ZNF483: variants seen among roughly 807,000 people sequenced by gnomAD.
The protein encoded by ZNF483 is zinc finger protein 483, also known as zinc finger protein HIT-10.
ZNF483 carries 9 observed loss-of-function variants against 28.6 expected under a neutral mutation model. The observed-to-expected ratio is 0.32, with a 90% CI of 0.19 to 0.55. ZNF483 has a LOEUF of 0.55. ZNF483 is among the 20% of genes least tolerant of loss of function. The pLI is 0.93. For synonymous variants in ZNF483, 322 were observed against 306.2 expected (o/e 1.05, Z -0.54); for missense variants, 675 against 871.7 (o/e 0.77, Z 2.84).
In ZNF483 at chr9:111,553,766, A is replaced by G. The variant is rs1263176277; in HGVS notation, c.*10596A>G. On this transcript the variant is annotated 3_prime_UTR_variant, in exon 6 of 6. Coordinates refer to ENST00000309235, the MANE Select transcript of ZNF483 (RefSeq NM_133464.5). Reference sequence around the variant, plus strand: ...CTGCTTCTGTTTTTAAAATTGTGAAATGTGGCACTGTGTGGATTTCCATTT... The same window carrying G: ...CTGCTTCTGTTTTTAAAATTGTGAAGTGTGGCACTGTGTGGATTTCCATTT... Among the ~76,000 whole-genome samples, 1 of 152,238 alleles carries G rather than the reference A, an allele frequency of 6.6e-6. No homozygotes were observed. The highest frequency in any genetic ancestry group is 1.5e-5 in the Non-Finnish European group (1 of 68,044).
chr9:111,537,017 A>G (rs111721065), intron 5 of ZNF483, among the ~76,000 whole-genome samples: 3 of 152,218 alleles, frequency 2.0e-5, no homozygotes, highest in African/African-American at 7.2e-5. Flanking sequence ...CTTTTTCTTG[A>G]AGTATCATGA....
At position 111,549,637 on chromosome 9, in the gene ZNF483, C is replaced by CGTG. The variant is rs2132275164; in HGVS notation, c.*6478_*6480dup. 3 of 1,169,332 alleles carry CGTG rather than the reference C, an allele frequency of 2.6e-6. No homozygotes were observed. In the South Asian group the frequency reaches 4.2e-5, roughly 16 times the overall value. The allele number at this position is 1,169,332 out of a possible 1,614,324, so 72.4% of individuals were successfully genotyped here. On this transcript the variant is annotated 3_prime_UTR_variant, in exon 6 of 6. Transcript: ENST00000309235. ...CCTGTAGCTCTTCTGGGGCAGCGGT[C>CGTG]GTGGTGGTGGTGGCAGCGGCAGCAG...
intron 2 of ZNF483, chr9:111,528,032 G>GT (rs1827224244): frequency 1.4e-6 from 2 of 1,448,810 alleles, no homozygotes; most frequent in South Asian, 3.0e-5. Context: ...CTTTCTTGTA[G>GT]TTTTCTTGTA....
intron 5 of ZNF483, among the ~76,000 whole-genome samples, chr9:111,570,599 G>A (rs7862533): frequency 0.29 from 44,033 of 150,512 alleles, 7,460 homozygotes; most frequent in Non-Finnish European, 0.4. Context: ...TGAAACCCCC[G>A]TCTCTTCTAA....
In ZNF483 at chr9:111,545,693, TTTAAG is replaced by T. The variant is rs1827791083; in HGVS notation, c.*2526_*2530del. ...TTCTGTGTTTTTTTCATTAATGTGT[TTTAAG>T]TTCATCCATGTTGTAACATACTAGT... On this transcript the variant is annotated 3_prime_UTR_variant, in exon 6 of 6. Coordinates refer to ENST00000309235, the MANE Select transcript of ZNF483 (RefSeq NM_133464.5). Among the ~76,000 whole-genome samples the T allele has an allele frequency of 6.6e-6, 1 of 152,174 alleles. No individual in the cohort carries two copies. The highest frequency in any genetic ancestry group is 1.5e-5 in the Non-Finnish European group (1 of 68,026).
At chr9:111,569,591 C>T (rs1307337428) in intron 5 of ZNF483, among the ~76,000 whole-genome samples, 1 of 152,158 alleles carries the variant, frequency 6.6e-6, no homozygotes, top group Admixed American at 6.6e-5. Context: ...TGACGAAAAC[C>T]TGTCTCTACT....
Position 111,542,640 on chromosome 9 carries a change from C to T in ZNF483, c.1705C>T (p.His569Tyr). 6.2e-7 allele frequency: 1 copy of T among 1,613,994 alleles called. No individual in the cohort carries two copies. Among genetic ancestry groups the T allele is most frequent in the Non-Finnish European group, 8.5e-7 (1 of 1,179,960 alleles). ...SFSHSSSLSK[H>Y]QRIHTGEKPY... is the part of the protein sequence containing the mutation. Reference sequence around the variant, plus strand: ...CAGTCATAGCTCATCCCTTTCCAAACATCAGAGAATTCATACTGGAGAGAA... The same window carrying T: ...CAGTCATAGCTCATCCCTTTCCAAATATCAGAGAATTCATACTGGAGAGAA... Residue 569 changes from histidine to tyrosine, a missense_variant, in exon 6 of 6, where the codon CAT (histidine) becomes TAT (tyrosine). Coordinates refer to ENST00000309235, the MANE Select transcript of ZNF483 (RefSeq NM_133464.5). The surrounding 1 kb of genome is among the most constrained non-coding windows in gnomAD (Gnocchi z 6.2).
At position 111,561,144 on chromosome 9, in the gene ZNF483, AGAG is replaced by A. The variant is rs1564608076; in HGVS notation, c.722-15219_722-15217del. 2.3e-3 allele frequency among the ~76,000 whole-genome samples: 117 copies of A among 51,406 alleles called. 5 individuals carry two copies. Among genetic ancestry groups the A allele is most frequent in the East Asian group, 5.7e-3 (13 of 2,280 alleles). 33.7% of individuals were successfully genotyped at this position (51,406 alleles called of 152,430 possible). On this transcript the variant is annotated intron_variant, in intron 5 of 5. Transcript: ENST00000358151. ...AGAGAGAGAGAGAGAGAGAGGAGAG[AGAG>A]GGAGAGAGAGAGAGAGAGAGAGAGA...
chr9:111,554,558 G>A lies in ZNF483; in HGVS notation c.*11388G>A, dbSNP rs1370564689. On this transcript the variant is annotated 3_prime_UTR_variant, in exon 6 of 6. Coordinates refer to ENST00000309235, the MANE Select transcript of ZNF483 (RefSeq NM_133464.5). ...CCTCAGATAGTACCAAACCCTGTAT[G>A]TTCTATGTTTTGTCAGTCTGATAAC... Among the ~76,000 whole-genome samples the A allele has an allele frequency of 3.3e-5, 5 of 152,130 alleles. No individual in the cohort carries two copies. Among genetic ancestry groups the A allele is most frequent in the Non-Finnish European group, 2.9e-5 (2 of 68,022 alleles).
In ZNF483 at chr9:111,550,839, C is replaced by T. The variant is rs1827919722; in HGVS notation, c.*7669C>T. ...TTGTTTCATAGGTGAAATATTTTTT[C>T]TCTGAGCATGTTAATTATAGTGTCT... On this transcript the variant is annotated 3_prime_UTR_variant, in exon 6 of 6. Transcript: ENST00000309235. Among the ~76,000 whole-genome samples the T allele has an allele frequency of 6.6e-6, 1 of 152,000 alleles. No homozygotes were observed.
Position 111,549,925 on chromosome 9 carries a change from G to A in ZNF483, c.*6755G>A. 1.6e-6 allele frequency: 1 copy of A among 635,942 alleles called. No individual in the cohort carries two copies. 39.4% of individuals were successfully genotyped at this position (635,942 alleles called of 1,614,324 possible). A position where few individuals can be genotyped will look rare whatever the true frequency, so the allele number is the denominator to read the frequency against. ...TTTTGTTGGTTTATTTTGTGCCTTT[G>A]AATGGTCAATACTTGTTTCTTTGTA... is the stretch of plus-strand genomic sequence containing the variant. On this transcript the variant is annotated 3_prime_UTR_variant, in exon 6 of 6. Coordinates refer to ENST00000309235, the MANE Select transcript of ZNF483 (RefSeq NM_133464.5).
Position 111,544,280 on chromosome 9 carries a change from T to G in ZNF483, c.*1110T>G. On this transcript the variant is annotated 3_prime_UTR_variant, in exon 6 of 6. Transcript: ENST00000309235. ...CTGTAGCAAGTACATTTTTTTGCAA[T>G]TGGAGTGTAAACATTCTGTGTGGCA... is the stretch of plus-strand genomic sequence containing the variant. 1.0e-6 allele frequency: 1 copy of G among 985,452 alleles called. No individual in the cohort carries two copies. Among genetic ancestry groups the G allele is most frequent in the Non-Finnish European group, 1.2e-6 (1 of 829,942 alleles). 61.0% of individuals were successfully genotyped at this position (985,452 alleles called of 1,614,324 possible).
At chr9:111,563,569 G>C (rs112140014) in intron 5 of ZNF483, 10,554 of 165,032 alleles carry the variant, frequency 0.064, 577 homozygotes, top group African/African-American at 0.14. Flanking sequence ...GCAGTGCCGC[G>C]ATCTTGGCTC....
chr9:111,570,308 T>C (rs1828754795), intron 5 of ZNF483: 1 of 1,468,392 alleles, frequency 6.8e-7, no homozygotes, highest in Non-Finnish European at 9.0e-7. Flanking sequence ...GTGCTGGGAG[T>C]TTTTTGGTGC....
intron 3 of ZNF483, among the ~76,000 whole-genome samples, chr9:111,531,233 G>A (rs1293567803): frequency 2.0e-5 from 3 of 152,106 alleles, no homozygotes; most frequent in Admixed American, 6.5e-5. Flanking sequence ...CCCTTTCAAG[G>A]AACTGACGCC....
At chr9:111,561,887 T>C (rs561461726) in intron 5 of ZNF483, among the ~76,000 whole-genome samples, 1 of 152,320 alleles carries the variant, frequency 6.6e-6, no homozygotes, top group South Asian at 2.1e-4. Context: ...TGTTTTGTTT[T>C]GTTTTGTTTT....
chr9:111,568,621 C>G (rs1432660372), intron 5 of ZNF483, among the ~76,000 whole-genome samples: 1 of 152,044 alleles, frequency 6.6e-6, no homozygotes, highest in Non-Finnish European at 1.5e-5. Context: ...GTTCGTACAC[C>G]CCCTCCCCTT....
chr9:111,537,681 C>T (rs1313523713), intron 5 of ZNF483, among the ~76,000 whole-genome samples: 1 of 152,096 alleles, frequency 6.6e-6, no homozygotes, highest in African/African-American at 2.4e-5. Context: ...GGCTAGGGTG[C>T]AGTGGCATGA....
chr9:111,554,893 T>C lies in ZNF483; in HGVS notation c.*11723T>C, dbSNP rs1298001988. The stretch of plus-strand genomic sequence containing the variant: ...CAACTGAAGTCCAGGGTCTTTGAGT[T>C]AGATGCTTTGAGTGTGACCTACTTT... On this transcript the variant is annotated 3_prime_UTR_variant, in exon 6 of 6. Transcript: ENST00000309235. Among the ~76,000 whole-genome samples, 1 of 152,190 alleles carries C rather than the reference T, an allele frequency of 6.6e-6. No individual in the cohort carries two copies. Among genetic ancestry groups the C allele is most frequent in the Non-Finnish European group, 1.5e-5 (1 of 68,032 alleles).
Sources: allele counts gnomAD v4.1 joint callset (sites outside exome capture counted in the v4.1 genomes callset), GRCh38; gene constraint gnomAD v4.1.1; non-coding constraint Gnocchi (gnomAD v3.1); transcripts MANE v1.5; gene names NCBI Gene and HGNC (gene_info 2026-07-23, HGNC 2026-07-21).